HIVEP3: variants seen among roughly 807,000 people sequenced by gnomAD.
HIVEP3 encodes HIVEP zinc finger 3, also known as transcription factor HIVEP3.
In HIVEP3, 49 loss-of-function variants were observed where a neutral mutation model predicts 152.8. That is an observed-to-expected ratio of 0.32 (90% confidence interval 0.26 to 0.41). The LOEUF is 0.41. HIVEP3 is among the 10% of genes least tolerant of loss of function. The pLI is 1.00. For missense variants in HIVEP3, 2,790 were observed against 3,103.3 expected (o/e 0.90, Z 2.40); for synonymous variants, 1,269 against 1,289.0 (o/e 0.98, Z 0.33).
chr1:41,976,375 A>C (rs1157349223), intron 1 of HIVEP3, among the ~76,000 whole-genome samples: 1 of 152,126 alleles, frequency 6.6e-6, no homozygotes, highest in East Asian at 1.9e-4. Flanking sequence ...ACAACTCGGA[A>C]CTCCCAATCC....
chr1:42,035,235 G>A (rs530541213), intron 1 of HIVEP3, among the ~76,000 whole-genome samples: 1 of 152,358 alleles, frequency 6.6e-6, no homozygotes, highest in African/African-American at 2.4e-5. Flanking sequence ...GCTCGCTAAC[G>A]TAGAGACGGA....
chr1:41,524,165 G>T (rs1195354890), intron 6 of HIVEP3, among the ~76,000 whole-genome samples: 1 of 152,164 alleles, frequency 6.6e-6, no homozygotes, highest in African/African-American at 2.4e-5. Flanking sequence ...GGGTGACAGG[G>T]CTGTCAGTCT....
intron 5 of HIVEP3, among the ~76,000 whole-genome samples, chr1:41,555,485 G>T (rs574191865): frequency 6.6e-6 from 1 of 152,126 alleles, no homozygotes; most frequent in African/African-American, 2.4e-5. Flanking sequence ...GCTTCAGCTC[G>T]CCCTCCATGG....
At chr1:41,700,219 G>T (rs1646340570) in intron 2 of HIVEP3, among the ~76,000 whole-genome samples, 1 of 152,166 alleles carries the variant, frequency 6.6e-6, no homozygotes, top group Non-Finnish European at 1.5e-5. Flanking sequence ...ATAATGCCAT[G>T]ATTTGTTCAT....
rs565193464 is a variant in HIVEP3, at chr1:41,898,165, C to T, written c.-801+20248G>A. ...GGTTTCATCTATTTGTTGTTTGTTT[C>T]AGTCTTGGTGCATCTTGGAACCAAA... On this transcript the variant is annotated intron_variant, in intron 1 of 8. Transcript: ENST00000372583. 9.5e-4 allele frequency among the ~76,000 whole-genome samples: 145 copies of T among 152,332 alleles called. 1 individual carries two copies. The highest frequency in any genetic ancestry group is 5.4e-3 in the South Asian group (26 of 4,826).
chr1:41,990,544 T>C (rs1645353939), intron 1 of HIVEP3, among the ~76,000 whole-genome samples: 1 of 139,420 alleles, frequency 7.2e-6, no homozygotes, highest in East Asian at 2.2e-4. Flanking sequence ...TCCCACACAT[T>C]AATAATGGGA....
chr1:41,956,565 T>G (rs2124494925), intron 1 of HIVEP3, among the ~76,000 whole-genome samples: 1 of 152,336 alleles, frequency 6.6e-6, no homozygotes, highest in Non-Finnish European at 1.5e-5. Context: ...TCACATGGTC[T>G]AAGTATTAGG....
intron 3 of HIVEP3, among the ~76,000 whole-genome samples, chr1:41,611,382 A>C (rs1055466377): frequency 1.3e-5 from 2 of 152,216 alleles, no homozygotes; most frequent in African/African-American, 2.4e-5. Flanking sequence ...AACTGGGATA[A>C]TCAATCATAA....
intron 2 of HIVEP3, among the ~76,000 whole-genome samples, chr1:41,660,243 C>G (rs1645693221): frequency 6.6e-6 from 1 of 152,234 alleles, no homozygotes; most frequent in African/African-American, 2.4e-5. Context: ...CTCTTCACCA[C>G]AGGCTCCACA....
chr1:41,921,243 C>T (rs1644940286), upstream of HIVEP3, among the ~76,000 whole-genome samples: 1 of 152,168 alleles, frequency 6.6e-6, no homozygotes, highest in Admixed American at 6.5e-5. Flanking sequence ...TACTGATAAA[C>T]TCATGATTCT....
upstream of HIVEP3, among the ~76,000 whole-genome samples, chr1:41,919,708 C>G (rs901182479): frequency 6.6e-6 from 1 of 152,138 alleles, no homozygotes; most frequent in Non-Finnish European, 1.5e-5. Flanking sequence ...GGGGGAGAGA[C>G]AACCTCCAGC....
chr1:41,857,805 C>G (rs1269379768), intron 1 of HIVEP3, among the ~76,000 whole-genome samples: 1 of 152,206 alleles, frequency 6.6e-6, no homozygotes, highest in East Asian at 1.9e-4. Context: ...CCTATTACCT[C>G]TCTAAGCTAG....
Position 41,805,859 on chromosome 1 carries a change from T to G in HIVEP3, c.-800-104864A>C, listed in dbSNP as rs531840701. 2.2e-4 allele frequency among the ~76,000 whole-genome samples: 33 copies of G among 152,292 alleles called. No individual in the cohort carries two copies. The South Asian group carries it at 6.6e-3, about 31-fold the overall frequency. On this transcript the variant is annotated intron_variant, in intron 1 of 8. Coordinates refer to ENST00000372583, the MANE Select transcript of HIVEP3 (RefSeq NM_024503.5). The stretch of plus-strand genomic sequence containing the variant: ...CTTTTGGGGGTCTGATTTGTGTCTC[T>G]CAGGCCACCTTACGCCTTGTGTTCT...
chr1:41,739,543 G>A (rs1031161706), intron 1 of HIVEP3, among the ~76,000 whole-genome samples: 8 of 152,206 alleles, frequency 5.3e-5, no homozygotes, highest in African/African-American at 1.9e-4. Context: ...GCCCCCAGGA[G>A]TTACCCAGCT....
chr1:41,581,612 G>C lies in HIVEP3; in HGVS notation c.3186C>G (p.Ala1062=), dbSNP rs751997104. The part of the protein sequence containing the change: ...SRPPESELEV[A]PKGRQESEEP... ...CTTCGCTCTCCTGTCTTCCCTTGGG[G>C]GCAACCTCCAACTCAGATTCTGGAG... Residue 1062 remains alanine (A), a synonymous_variant, in exon 4 of 9, where the codon GCC becomes GCG. Transcript: ENST00000372583. The surrounding 1 kb of genome is among the most constrained non-coding windows in gnomAD (Gnocchi z 4.5). The C allele has an allele frequency of 1.2e-6, 2 of 1,614,116 alleles. No individual in the cohort carries two copies. Among genetic ancestry groups the C allele is most frequent in the Admixed American group, 3.3e-5 (2 of 60,014 alleles).
chr1:41,858,876 G>C (rs1245113924), intron 1 of HIVEP3, among the ~76,000 whole-genome samples: 1 of 152,204 alleles, frequency 6.6e-6, no homozygotes, highest in Non-Finnish European at 1.5e-5. Context: ...TGCCTGGGCA[G>C]ACAGAATGTC....
Position 41,915,852 on chromosome 1 carries a change from G to C in HIVEP3, c.-801+2561C>G, listed in dbSNP as rs566663977. Among the ~76,000 whole-genome samples, 10 of 152,324 alleles carry C rather than the reference G, an allele frequency of 6.6e-5. No individual in the cohort carries two copies. The South Asian group carries it at 1.9e-3, about 28-fold the overall frequency. On this transcript the variant is annotated intron_variant, in intron 1 of 8. Transcript: ENST00000372583. ...ACCCAGAATGCTAGTGCTGCCTGTT[G>C]ATACAGCCAGTGTTTTCCAGCCCTG...
At chr1:41,968,472 A>G (rs1267522711) in intron 1 of HIVEP3, among the ~76,000 whole-genome samples, 1 of 151,532 alleles carries the variant, frequency 6.6e-6, no homozygotes, top group Non-Finnish European at 1.5e-5. Flanking sequence ...TGATTATCTC[A>G]ATAGAGGCAG....
At chr1:42,022,133 C>T (rs1277668731) in intron 1 of HIVEP3, among the ~76,000 whole-genome samples, 1 of 152,214 alleles carries the variant, frequency 6.6e-6, no homozygotes, top group African/African-American at 2.4e-5. Flanking sequence ...CCCAAACTGG[C>T]TTAATTACTT....
Sources: allele counts gnomAD v4.1 joint callset (sites outside exome capture counted in the v4.1 genomes callset), GRCh38; gene constraint gnomAD v4.1.1; non-coding constraint Gnocchi (gnomAD v3.1); transcripts MANE v1.5; gene names NCBI Gene and HGNC (gene_info 2026-07-23, HGNC 2026-07-21).